CFAP47: variants seen among roughly 807,000 people sequenced by gnomAD.
CFAP47 encodes cilia- and flagella-associated protein 47.
A neutral mutation model predicts 148.1 loss-of-function variants in CFAP47; 29 were observed. The observed-to-expected ratio is 0.20, with a 90% CI of 0.15 to 0.27. The LOEUF is 0.27. CFAP47 is among the 10% of genes least tolerant of loss of function. The pLI is 1.00. For missense variants in CFAP47, 1,872 were observed against 1,697.5 expected, an observed-to-expected ratio of 1.10 and a Z score of -1.81; for synonymous variants, 664 against 577.3, an observed-to-expected ratio of 1.15 and a Z score of -2.15.
chrX:36,257,544 C>G (rs781936105), intron 49 of CFAP47, among the ~76,000 whole-genome samples: 2 of 109,828 alleles, frequency 1.8e-5, no homozygotes, highest in African/African-American at 6.6e-5. Flanking sequence ...CCACCTCAGC[C>G]TCCCATGTAG....
intron 40 of CFAP47, among the ~76,000 whole-genome samples, chrX:36,182,837 C>A (rs1331182455): frequency 5.3e-5 from 6 of 112,580 alleles, no homozygotes; most frequent in Non-Finnish European, 1.1e-4. Context: ...TACTTAGGCT[C>A]ATGGTAATAT....
intron 2 of CFAP47, among the ~76,000 whole-genome samples, chrX:35,934,839 G>A (rs5973546): frequency 0.076 from 8,486 of 111,237 alleles, 843 homozygotes; most frequent in African/African-American, 0.27. Flanking sequence ...GGCCCAGGGT[G>A]TGTCTAGAAA....
intron 25 of CFAP47, among the ~76,000 whole-genome samples, chrX:36,040,796 A>G (rs1046635358): frequency 3.6e-5 from 4 of 111,719 alleles, no homozygotes; most frequent in Non-Finnish European, 3.8e-5. Context: ...GTATAATACA[A>G]TCAAGTACTA....
intron 46 of CFAP47, among the ~76,000 whole-genome samples, chrX:36,234,746 T>G (rs1602060245): frequency 9.0e-6 from 1 of 111,640 alleles, no homozygotes; most frequent in African/African-American, 3.3e-5. Flanking sequence ...CTTTGTGGTT[T>G]TATCTACTTT....
chrX:36,308,876 T>C (rs1941371558), intron 55 of CFAP47, among the ~76,000 whole-genome samples: 1 of 111,514 alleles, frequency 9.0e-6, no homozygotes, highest in African/African-American at 3.2e-5. Context: ...AACTCTGCAA[T>C]GTAAAAAATC....
At chrX:36,087,288 G>A (rs1279425035) in intron 30 of CFAP47, among the ~76,000 whole-genome samples, 6 of 112,330 alleles carry the variant, frequency 5.3e-5, no homozygotes, top group African/African-American at 1.3e-4. Context: ...ATTTGACAAT[G>A]AGTCTACCTT....
At chrX:36,167,949 G>A (rs1251538906) in intron 39 of CFAP47, among the ~76,000 whole-genome samples, 2 of 111,251 alleles carry the variant, frequency 1.8e-5, no homozygotes, top group South Asian at 3.8e-4. Context: ...TGGGGTGAGA[G>A]TCCAAGGATC....
intron 48 of CFAP47, among the ~76,000 whole-genome samples, chrX:36,244,311 T>C (rs189283410): frequency 9.0e-6 from 1 of 110,981 alleles, no homozygotes; most frequent in African/African-American, 3.3e-5. Flanking sequence ...CAATTTAACT[T>C]TGCACCCAGT....
chrX:36,185,244 C>A (rs1466018107), intron 40 of CFAP47, among the ~76,000 whole-genome samples: 1 of 110,145 alleles, frequency 9.1e-6, no homozygotes, highest in Non-Finnish European at 1.9e-5. Context: ...GGTGAGGGAG[C>A]TTTCTGGAGT....
rs373579937 is a variant in CFAP47 at position 36,241,289 on chromosome X, A to G, written c.7332+4430A>G. ...AACATGGAGCCAGGGGCTTTCCTGC[A>G]TGAAGCAGCTCTGTTGGAGTGCAGC... On this transcript the variant is annotated intron_variant, in intron 48 of 63. Coordinates refer to ENST00000378653, the MANE Select transcript of CFAP47 (RefSeq NM_001304548.2). 4.5e-5 allele frequency among the ~76,000 whole-genome samples: 5 copies of G among 112,056 alleles called. No individual in the cohort carries two copies. The East Asian group carries it at 8.5e-4, about 19-fold the overall frequency.
At position 35,924,424 on chromosome X, in the gene CFAP47, C is replaced by CCT. The variant is rs1555947391; in HGVS notation, c.250-1593_250-1592insCT. Among the ~76,000 whole-genome samples the CCT allele has an allele frequency of 3.0e-5, 3 of 99,665 alleles. No individual in the cohort carries two copies. In the East Asian group the frequency reaches 9.6e-4, roughly 32 times the overall value. The allele number at this position is 99,665 out of a possible 115,157, so 86.5% of individuals were successfully genotyped here. On this transcript the variant is annotated intron_variant, in intron 1 of 63. Coordinates refer to ENST00000378653, the MANE Select transcript of CFAP47 (RefSeq NM_001304548.2). ...GCACACACATATGTGTATATGCACACATATGTGTATATATGTACACCTATA... is the reference window on the plus strand; with the variant it reads ...GCACACACATATGTGTATATGCACACCTATATGTGTATATATGTACACCTATA...
chrX:36,367,300 A>G (rs911323517), intron 62 of CFAP47, among the ~76,000 whole-genome samples, 173 bp downstream of exon 62: 2 of 112,132 alleles, frequency 1.8e-5, no homozygotes, highest in Non-Finnish European at 3.8e-5. Context: ...CAATTGGAAA[A>G]TAGGGTATAC....
intron 33 of CFAP47, among the ~76,000 whole-genome samples, chrX:36,133,423 C>A (rs1257350247): frequency 9.0e-6 from 1 of 110,679 alleles, no homozygotes; most frequent in Non-Finnish European, 1.9e-5. Flanking sequence ...AATTAGGTTG[C>A]ATTTGATGAG....
At chrX:36,304,694 G>T (rs1941332422) in intron 54 of CFAP47, among the ~76,000 whole-genome samples, 1 of 110,679 alleles carries the variant, frequency 9.0e-6, no homozygotes, top group African/African-American at 3.3e-5. Context: ...CCTCACCCCT[G>T]ACACAGACAC....
rs368910671 is a variant in CFAP47 at position 36,067,659 on chromosome X, ATT to A, written c.4318+1932_4318+1933del. Among the ~76,000 whole-genome samples the A allele has an allele frequency of 1.5e-3, 133 of 91,599 alleles. 1 individual carries two copies. Among genetic ancestry groups the A allele is most frequent in the African/African-American group, 5.2e-3 (123 of 23,795 alleles). 79.5% of individuals were successfully genotyped at this position (91,599 alleles called of 115,157 possible). On this transcript the variant is annotated intron_variant, in intron 27 of 63. Transcript: ENST00000378653. ...CTACCCTCAGAGAATGGCCACGGTG[ATT>A]TTTTTTTTTTTTTTTCTTGGAGATG... is the stretch of plus-strand genomic sequence containing the variant.
intron 62 of CFAP47, chrX:36,374,659 C>T: frequency 3.4e-6 from 1 of 295,851 alleles, no homozygotes; most frequent in East Asian, 5.8e-5. Flanking sequence ...AGATATTTAT[C>T]ATTATAAGAT....
intron 62 of CFAP47, among the ~76,000 whole-genome samples, chrX:36,379,142 A>T (rs1208040783): frequency 1.8e-5 from 2 of 111,589 alleles, no homozygotes; most frequent in Admixed American, 1.9e-4. Flanking sequence ...TGATTTTAAG[A>T]ATCTTTAGAA....
At chrX:36,232,651 T>G (rs6632526) in intron 46 of CFAP47, among the ~76,000 whole-genome samples, 13,824 of 110,999 alleles carry the variant, frequency 0.12, 701 homozygotes, top group East Asian at 0.26. Flanking sequence ...TCTTGCCTTC[T>G]GCTAGCTTTT....
At position 36,145,069 on chromosome X, in the gene CFAP47, ATATATGCGTGTG is replaced by A. The variant is rs201313652; in HGVS notation, c.5536-148_5536-137del. 2.1e-3 allele frequency: 778 copies of A among 362,822 alleles called. 7 individuals are homozygous for A. The African/African-American group carries it at 0.031, about 14-fold the overall frequency. 29.9% of individuals were successfully genotyped at this position (362,822 alleles called of 1,213,427 possible). A position where few individuals can be genotyped will look rare whatever the true frequency, so the allele number is the denominator to read the frequency against. ...TCCTAATAAATTCCCGTTTATATAT[ATATATGCGTGTG>A]TGTGTGTGTGTGTGTGTGTGTGTGT... is the stretch of plus-strand genomic sequence containing the variant. On this transcript the variant is annotated intron_variant, in intron 35 of 63. Transcript: ENST00000378653.
Sources: allele counts gnomAD v4.1 joint callset (sites outside exome capture counted in the v4.1 genomes callset), GRCh38; gene constraint gnomAD v4.1.1; transcripts MANE v1.5; gene names NCBI Gene and HGNC (gene_info 2026-07-23, HGNC 2026-07-21).